The following SIRT3 variants were observed in gnomAD, a reference collection of about 807,000 sequenced individuals.
SIRT3 encodes the protein NAD-dependent protein deacetylase sirtuin-3, mitochondrial.
A neutral mutation model predicts 33.5 loss-of-function variants in SIRT3; 26 were observed. The observed-to-expected ratio is 0.78, with a 90% confidence interval of 0.57 to 1.08. The LOEUF is 1.08. Among genes scored for constraint, SIRT3 ranks in the 50% least tolerant of loss-of-function variants. SIRT3 has a pLI of 0.00. For synonymous variants in SIRT3, 237 were observed against 222.1 expected (o/e 1.07, Z -0.60); for missense variants, 585 against 530.1 (o/e 1.10, Z -1.02).
At chr11:219,817 T>C (rs1181421524) in intron 5 of SIRT3, among the ~76,000 whole-genome samples, 1 of 152,110 alleles carries the variant, frequency 6.6e-6, no homozygotes, top group Non-Finnish European at 1.5e-5. Flanking sequence ...TGAAGTCAGA[T>C]AAGGCAAAGG....
intron 6 of SIRT3, among the ~76,000 whole-genome samples, chr11:217,140 T>C (rs3825075): frequency 0.71 from 108,708 of 152,212 alleles, 39,425 homozygotes; most frequent in African/African-American, 0.79. Context: ...AGAGTTACAA[T>C]CTGCTTTTCT....
intron 1 of SIRT3, 56 bp downstream of exon 1, chr11:235,992 G>C: frequency 7.1e-7 from 1 of 1,407,550 alleles, no homozygotes; most frequent in Non-Finnish European, 9.3e-7. Context: ...GTGAGAAAGA[G>C]TGGGCGAGGT....
At position 233,167 on chromosome 11, in the gene SIRT3, C is replaced by T. The variant is rs148488998; in HGVS notation, c.522G>A (p.Pro174=). Residue 174 remains proline, a synonymous_variant, in exon 3 of 7, where the codon CCG becomes CCA. Coordinates refer to ENST00000382743, the MANE Select transcript of SIRT3 (RefSeq NM_012239.6). ...LYSNLQQYDL[P]YPEAIFELPF... is the part of the protein sequence containing the mutation. ...GGAGTTCAAAAATGGCCTCGGGGTACGGGAGATCGTACTGCTGGAGGTTGC... is the reference window on the plus strand; with the variant it reads ...GGAGTTCAAAAATGGCCTCGGGGTATGGGAGATCGTACTGCTGGAGGTTGC... 1.2e-5 allele frequency: 19 copies of T among 1,613,922 alleles called. No individual in the cohort carries two copies. Among genetic ancestry groups the T allele is most frequent in the Middle Eastern group, 1.6e-4 (1 of 6,084 alleles).
At position 236,133 on chromosome 11, in the gene SIRT3, G is replaced by T; in HGVS notation, c.196C>A (p.Pro66Thr). 1 of 1,576,154 alleles carries T rather than the reference G, an allele frequency of 6.3e-7. No individual in the cohort carries two copies. Among genetic ancestry groups the T allele is most frequent in the Non-Finnish European group, 8.6e-7 (1 of 1,162,122 alleles). Residue 66 changes from proline to threonine, a missense_variant, in exon 1 of 7, where the codon CCC (proline) becomes ACC (threonine). Physicochemically the swap from Pro to Thr is conservative, Grantham distance 38. Coordinates refer to ENST00000382743, the MANE Select transcript of SIRT3 (RefSeq NM_012239.6). ...TCGGGTCTGGGAGGCCTCTGCAAGG[G>T]GCGCGCCGGGTCCAAGGGCTCACCG... ...ARGEPLDPAR[P>T]LQRPPRPEVP...
chr11:231,866 G>A (rs181373054), intron 3 of SIRT3, among the ~76,000 whole-genome samples: 23,724 of 70,630 alleles, frequency 0.34, 2,369 homozygotes, highest in Non-Finnish European at 0.35. Context: ...CAGTCTCTCC[G>A]GGAGCCTGGC....
intron 3 of SIRT3, among the ~76,000 whole-genome samples, chr11:232,462 T>C (rs1858191306): frequency 6.6e-6 from 1 of 152,102 alleles, no homozygotes; most frequent in African/African-American, 2.4e-5. Flanking sequence ...TCTAGAGCTA[T>C]CCATTCATGT....
rs1856851154 is a variant in SIRT3, at chr11:224,233, CG to C, written c.813del (p.Asp271GlufsTer2). 1 of 1,613,850 alleles carries C rather than the reference CG, an allele frequency of 6.2e-7. No individual in the cohort carries two copies. Among genetic ancestry groups the C allele is most frequent in the Non-Finnish European group, 8.5e-7 (1 of 1,179,970 alleles). On this transcript the variant is annotated frameshift_variant, in exon 5 of 7. Coordinates refer to ENST00000382743, the MANE Select transcript of SIRT3 (RefSeq NM_012239.6). LOFTEE classifies it high-confidence loss of function. ...CAGCGGGGAACCCTGTCTGCCATCA[CG>C]TCAGCCTGGAAAACAGAGAAAACAG... The part of the protein sequence containing the change: ...RPFPGEDIRA[D>X]VMADRVPRCP...
Position 232,985 on chromosome 11 carries a change from C to G in SIRT3, c.704G>C (p.Arg235Thr). 2.5e-6 allele frequency: 4 copies of G among 1,613,968 alleles called. No individual in the cohort carries two copies. Among genetic ancestry groups the G allele is most frequent in the Non-Finnish European group, 3.4e-6 (4 of 1,179,862 alleles). The change falls in exon 3 of 7, where the codon AGA becomes ACA. Residue 235 changes from arginine to threonine, a missense_variant and splice_region_variant. Coordinates refer to ENST00000382743, the MANE Select transcript of SIRT3 (RefSeq NM_012239.6). The part of the protein sequence containing the change: ...LYTQNIDGLE[R>T]VSGIPASKLV... Reference sequence around the variant, plus strand: ...TGTGCGACTCACAGAGGGCTCACCTCTCTCAAGCCCATCGATGTTCTGCGT... The same window carrying G: ...TGTGCGACTCACAGAGGGCTCACCTGTCTCAAGCCCATCGATGTTCTGCGT...
At chr11:225,126 A>G (rs564568955) in intron 4 of SIRT3, among the ~76,000 whole-genome samples, 2 of 152,096 alleles carry the variant, frequency 1.3e-5, no homozygotes, top group South Asian at 4.1e-4. Flanking sequence ...TGAAATATCT[A>G]TCAAAGGCCA....
At chr11:236,484 CCTCCTT>C, upstream of SIRT3, 1 of 334,850 alleles carries the variant, frequency 3.0e-6, no homozygotes, top group Non-Finnish European at 4.2e-6. Flanking sequence ...CCCGCCCCCG[CCTCCTT>C]GCCGACGCCT....
At chr11:220,196 G>A (rs1283446201) in intron 5 of SIRT3, among the ~76,000 whole-genome samples, 1 of 151,904 alleles carries the variant, frequency 6.6e-6, no homozygotes, top group East Asian at 1.9e-4. Context: ...TGGGCGTGGT[G>A]GCACGCACCT....
At chr11:222,587 C>T (rs1002317356) in intron 5 of SIRT3, 1 of 152,566 alleles carries the variant, frequency 6.6e-6, no homozygotes, top group Non-Finnish European at 1.5e-5. Flanking sequence ...TACAAGGGCC[C>T]TGCTGGGTCT....
rs960133748 is a variant in SIRT3, at chr11:223,680, C to T, written c.969+398G>A. The stretch of plus-strand genomic sequence containing the variant: ...ACCCACACCTATACCACCTCCAAAG[C>T]CCAGCAGCTTCCCACCTTCCTGTCT... On this transcript the variant is annotated intron_variant, in intron 5 of 6. Coordinates refer to ENST00000382743, the MANE Select transcript of SIRT3 (RefSeq NM_012239.6). This position sits in a 1 kb window ranked among gnomAD's most constrained non-coding sequence, Gnocchi z 4.8. 2 of 640,324 alleles carry T rather than the reference C, an allele frequency of 3.1e-6. No individual in the cohort carries two copies. Among genetic ancestry groups the T allele is most frequent in the Admixed American group, 4.3e-5 (2 of 46,856 alleles). The allele number at this position is 640,324 out of a possible 1,614,324, so 39.7% of individuals were successfully genotyped here.
chr11:230,572 G>C lies in SIRT3; in HGVS notation c.707-20C>G, dbSNP rs200399065. The C allele has an allele frequency of 6.8e-7, 1 of 1,475,900 alleles. No homozygotes were observed. Among genetic ancestry groups the C allele is most frequent in the Non-Finnish European group, 9.0e-7 (1 of 1,109,098 alleles). The allele number at this position is 1,475,900 out of a possible 1,614,324, so 91.4% of individuals were successfully genotyped here. On this transcript the variant is annotated intron_variant, in intron 3 of 6. Coordinates refer to ENST00000382743, the MANE Select transcript of SIRT3 (RefSeq NM_012239.6). ...CCGACACTGAAATTCAAGCCAAAGC[G>C]AAGTGTTGCTGCCGCCTCCGAGATG...
In SIRT3 at chr11:233,356, T is replaced by G. The variant is rs1421953967; in HGVS notation, c.460A>C (p.Ile154Leu). 1.2e-6 allele frequency: 2 copies of G among 1,613,616 alleles called. No individual in the cohort carries two copies. ...VGAGISTPSG[I>L]PDFRSPGSGL... is the part of the protein sequence containing the mutation. ...TGTGGGCAGTACCTGAAGTCTGGAA[T>G]GCCACTGGGTGTGCTGATGCCGGCC... is the stretch of plus-strand genomic sequence containing the variant. The change falls in exon 2 of 7, where the codon ATT becomes CTT. Residue 154 changes from isoleucine (I) to leucine (L), a missense_variant. Coordinates refer to ENST00000382743, the MANE Select transcript of SIRT3 (RefSeq NM_012239.6).
rs975404845 is a variant in SIRT3 at position 215,487 on chromosome 11, C to G, written c.*1211G>C. On this transcript the variant is annotated 3_prime_UTR_variant, in exon 7 of 7. Coordinates refer to ENST00000382743, the MANE Select transcript of SIRT3 (RefSeq NM_012239.6). ...CAACAGTTTTCCTAGGTCACCAATT[C>G]CACCTTTTGTTCTTATTAAGGCGCA... 6.6e-6 allele frequency: 1 copy of G among 152,204 alleles called. No individual in the cohort carries two copies. The highest frequency in any genetic ancestry group is 2.4e-5 in the African/African-American group (1 of 41,444). 9.4% of individuals were successfully genotyped at this position (152,204 alleles called of 1,614,324 possible). A position where few individuals can be genotyped will look rare whatever the true frequency, so the allele number is the denominator to read the frequency against.
At chr11:222,508 C>G (rs910751379) in intron 5 of SIRT3, 1 of 152,910 alleles carries the variant, frequency 6.5e-6, no homozygotes, top group African/African-American at 2.4e-5. Flanking sequence ...CACACACACC[C>G]AGACTCCAGC....
chr11:221,025 G>A (rs1364348984), intron 5 of SIRT3, among the ~76,000 whole-genome samples: 1 of 144,064 alleles, frequency 6.9e-6, no homozygotes, highest in Non-Finnish European at 1.5e-5. Flanking sequence ...TACCCTTCCA[G>A]AGTACTTGCA....
At chr11:234,978 A>G (rs972885657) in intron 1 of SIRT3, among the ~76,000 whole-genome samples, 8 of 149,938 alleles carry the variant, frequency 5.3e-5, no homozygotes, top group African/African-American at 2.0e-4. Context: ...TCCGGGTTCA[A>G]GTGATTCTCC....
Sources: allele counts gnomAD v4.1 joint callset (sites outside exome capture counted in the v4.1 genomes callset), GRCh38; gene constraint gnomAD v4.1.1; non-coding constraint Gnocchi (gnomAD v3.1); transcripts MANE v1.5; gene names NCBI Gene and HGNC (gene_info 2026-07-23, HGNC 2026-07-21).